Variants in TMEM63A observed in about 807,000 individuals in gnomAD.
TMEM63A encodes transmembrane protein 63A.
TMEM63A carries 76 observed loss-of-function variants against 100.6 expected under a neutral mutation model. The observed-to-expected ratio is 0.76, with a 90% CI of 0.63 to 0.91. TMEM63A has a LOEUF of 0.91. TMEM63A is among the 40% of genes least tolerant of loss of function. TMEM63A has a pLI of 0.00. For synonymous variants in TMEM63A, 401 were observed against 401.1 expected (o/e 1.00, Z 0.00); for missense variants, 876 against 1,008.8 (o/e 0.87, Z 1.78).
chr1:225,852,963 A>G (rs1408247411), intron 19 of TMEM63A, among the ~76,000 whole-genome samples, 194 bp from the exon 20 acceptor site: 1 of 152,152 alleles, frequency 6.6e-6, no homozygotes, highest in Admixed American at 6.5e-5. Context: ...AGCCCTCCCG[A>G]GGCATGGTGA....
downstream of TMEM63A, among the ~76,000 whole-genome samples, chr1:225,843,072 C>T (rs1668562873): frequency 6.6e-6 from 1 of 152,172 alleles, no homozygotes; most frequent in Non-Finnish European, 1.5e-5. Context: ...AGACTGAATC[C>T]TGCCTTGGGG....
At chr1:225,863,321 G>A (rs1033321337) in intron 10 of TMEM63A, among the ~76,000 whole-genome samples, 1 of 152,102 alleles carries the variant, frequency 6.6e-6, no homozygotes, top group African/African-American at 2.4e-5. Context: ...TGCTGGGATT[G>A]TAGGCGTGAG....
At chr1:225,876,004 C>T (rs114450979) in intron 3 of TMEM63A, among the ~76,000 whole-genome samples, 1 of 124,970 alleles carries the variant, frequency 8.0e-6, no homozygotes, top group African/African-American at 3.1e-5. Flanking sequence ...AGGAGGAAGT[C>T]GCAGTGAATT....
chr1:225,873,842 G>A (rs1670641969), intron 4 of TMEM63A, among the ~76,000 whole-genome samples: 1 of 152,186 alleles, frequency 6.6e-6, no homozygotes, highest in Non-Finnish European at 1.5e-5. Context: ...CTCAAGGTGA[G>A]AAAGAAAATG....
chr1:225,844,508 C>A, downstream of TMEM63A: 1 of 1,614,144 alleles, frequency 6.2e-7, no homozygotes, highest in Non-Finnish European at 8.5e-7. Context: ...GAAGTTCTCC[C>A]TGGACGACCT....
At chr1:225,842,133 A>G (rs552140579), downstream of TMEM63A, among the ~76,000 whole-genome samples, 1 of 152,376 alleles carries the variant, frequency 6.6e-6, no homozygotes, top group East Asian at 1.9e-4. Context: ...GCAGTGTGCC[A>G]GGCCCTGGGA....
Position 225,853,740 on chromosome 1 carries a change from G to T in TMEM63A, c.1686C>A (p.Ala562=). The part of the protein sequence containing the change: ...QGAFFVNYVI[A]SAFIGNGMEL... ...CCATGCCATTGCCGATGAAGGCCGA[G>T]GCGATGACATAGTTCACAAAGAAGG... Residue 562 remains alanine, a synonymous_variant, in exon 19 of 25, where the codon GCC becomes GCA. Coordinates refer to ENST00000366835, the MANE Select transcript of TMEM63A (RefSeq NM_014698.3). This position sits in a 1 kb window ranked among gnomAD's most constrained non-coding sequence, Gnocchi z 4.0. 6.2e-7 allele frequency: 1 copy of T among 1,606,628 alleles called. No individual in the cohort carries two copies. The highest frequency in any genetic ancestry group is 2.2e-5 in the East Asian group (1 of 44,602).
chr1:225,850,133 C>G, intron 20 of TMEM63A, 54 bp from the exon 21 acceptor site: 1 of 1,587,272 alleles, frequency 6.3e-7, no homozygotes, highest in Non-Finnish European at 8.6e-7. Flanking sequence ...ACAGACACCT[C>G]TGTCCTCTTC....
rs770412529 is a variant in TMEM63A, at chr1:225,849,932, A to T, written c.2051T>A (p.Phe684Tyr). The T allele has an allele frequency of 1.4e-5, 23 of 1,614,070 alleles. No homozygotes were observed. The East Asian group carries it at 2.2e-4, about 16-fold the overall frequency. The stretch of plus-strand genomic sequence containing the variant: ...CTCACCCAGGCGCAGGAAGGAAAAG[A>T]AGTAGAGCCAGAAGAGGCACAGGAT... ...APILCLFWLYFFSFLRLGMKA... is the reference protein window; with the variant it reads ...APILCLFWLYYFSFLRLGMKA... Residue 684 changes from phenylalanine to tyrosine, a missense_variant, in exon 21 of 25, where the codon TTC becomes TAC. Phe to Tyr is a conservative substitution (Grantham distance 22, BLOSUM62 3). Transcript: ENST00000366835.
chr1:225,843,765 G>A (rs45564633), downstream of TMEM63A, among the ~76,000 whole-genome samples: 5,134 of 152,346 alleles, frequency 0.034, 109 homozygotes, highest in Non-Finnish European at 0.044. Flanking sequence ...GGGCAGAGCT[G>A]AAAGGGAGAT....
At chr1:225,876,644 T>C (rs1670816293) in intron 3 of TMEM63A, among the ~76,000 whole-genome samples, 1 of 101,676 alleles carries the variant, frequency 9.8e-6, no homozygotes, top group Non-Finnish European at 2.5e-5. Context: ...TAATTCTTTT[T>C]TTTGTTTTTT....
rs575085107 is a variant in TMEM63A, at chr1:225,880,307, C to T, written c.-205-897G>A. Among the ~76,000 whole-genome samples, 6 of 152,266 alleles carry T rather than the reference C, an allele frequency of 3.9e-5. No individual in the cohort carries two copies. In the South Asian group the frequency reaches 1.0e-3, roughly 26 times the overall value. On this transcript the variant is annotated intron_variant, in intron 1 of 24. Coordinates refer to ENST00000366835, the MANE Select transcript of TMEM63A (RefSeq NM_014698.3). ...CCCATTAGACACATAAAGTCCAGAT[C>T]CCCCTGAAACAGCTCCGTCCCTCTG...
intron 20 of TMEM63A, among the ~76,000 whole-genome samples, chr1:225,851,756 A>T (rs191668840): frequency 1.1e-3 from 164 of 152,368 alleles, no homozygotes; most frequent in African/African-American, 3.9e-3. Flanking sequence ...TACAGGGAAA[A>T]CTAAAACAAC....
At chr1:225,872,614 G>A (rs982294030) in intron 4 of TMEM63A, among the ~76,000 whole-genome samples, 8 of 151,526 alleles carry the variant, frequency 5.3e-5, no homozygotes, top group Non-Finnish European at 1.0e-4. Context: ...CCTTTCTTGC[G>A]AGTACCCCCA....
chr1:225,857,379 CGGGGCGGG>C (rs1669680402), intron 15 of TMEM63A, among the ~76,000 whole-genome samples: 4 of 112,768 alleles, frequency 3.5e-5, no homozygotes, highest in Admixed American at 8.6e-5. Flanking sequence ...TCCTGGCCGG[CGGGGCGGG>C]GGGGGGGGGG....
In TMEM63A at chr1:225,846,204, A is replaced by G; in HGVS notation, c.*735T>C. ...AGCACTGCCCACCCCCACACCTTGG[A>G]GGGAGCAGACGGAGGGGGTGAGTAC... On this transcript the variant is annotated 3_prime_UTR_variant, in exon 25 of 25. Coordinates refer to ENST00000366835, the MANE Select transcript of TMEM63A (RefSeq NM_014698.3). 6.5e-6 allele frequency: 1 copy of G among 152,964 alleles called. No homozygotes were observed. Among genetic ancestry groups the G allele is most frequent in the Non-Finnish European group, 1.5e-5 (1 of 68,588 alleles). The allele number at this position is 152,964 out of a possible 1,614,324, so 9.5% of individuals were successfully genotyped here.
chr1:225,866,505 G>A, intron 9 of TMEM63A, 69 bp downstream of exon 9: 1 of 1,399,848 alleles, frequency 7.1e-7, no homozygotes, highest in Non-Finnish European at 1.0e-6. Context: ...CAGAGCCTGG[G>A]AGGCCCTTCC....
At chr1:225,881,126 CTGTT>C (rs1161265063) in intron 1 of TMEM63A, among the ~76,000 whole-genome samples, 1 of 15,318 alleles carries the variant, frequency 6.5e-5, no homozygotes, top group Admixed American at 7.0e-4. Context: ...ACCTGGACAA[CTGTT>C]TACCTCCTAC....
rs771745514 is a variant in TMEM63A, at chr1:225,877,599, A to G, written c.-14-5T>C. The G allele has an allele frequency of 6.2e-7, 1 of 1,609,054 alleles. No homozygotes were observed. Among genetic ancestry groups the G allele is most frequent in the South Asian group, 1.1e-5 (1 of 90,520 alleles). On this transcript the variant is annotated splice_region_variant and splice_polypyrimidine_tract_variant and intron_variant, in intron 2 of 24. Transcript: ENST00000366835. ...CCATCATCGCGCCTGTCTTCCCTGGAGCACAGGACAACAGGACAAGGCAGA... is the reference window on the plus strand; with the variant it reads ...CCATCATCGCGCCTGTCTTCCCTGGGGCACAGGACAACAGGACAAGGCAGA...
Sources: gnomAD v4.1 joint callset for allele counts (sites outside exome capture counted in the v4.1 genomes callset) on GRCh38, gnomAD v4.1.1 for gene constraint, Gnocchi (gnomAD v3.1) non-coding constraint, MANE v1.5 for transcripts, NCBI Gene and HGNC (gene_info 2026-07-23, HGNC 2026-07-21) for gene names.